The following GPR39 variants were observed in gnomAD, a reference collection of about 807,000 sequenced individuals.
The protein encoded by GPR39 is zinc sensing receptor.
A neutral mutation model predicts 18.4 loss-of-function variants in GPR39; 23 were observed. That is an observed-to-expected ratio of 1.25 (90% confidence interval 0.90 to 1.77). GPR39 has a LOEUF of 1.77. Ranked by LOEUF, GPR39 falls within the 40% of genes most tolerant of loss-of-function variation. The pLI, the probability that GPR39 is intolerant of heterozygous loss-of-function variation, is 0.00. For synonymous variants in GPR39, 280 were observed against 257.9 expected (o/e 1.09, Z -0.82); for missense variants, 647 against 602.4 (o/e 1.07, Z -0.78).
intron 1 of GPR39, among the ~76,000 whole-genome samples, chr2:132,437,689 G>A (rs562610410): frequency 4.2e-4 from 64 of 152,286 alleles, no homozygotes; most frequent in South Asian, 1.9e-3. Context: ...ACTGGGCCTC[G>A]TAGGTATCCA....
chr2:132,540,181 A>T (rs1425991006), intron 1 of GPR39, among the ~76,000 whole-genome samples: 1 of 152,154 alleles, frequency 6.6e-6, no homozygotes, highest in East Asian at 1.9e-4. Context: ...TTTCTCTAAC[A>T]TATGTAGAAA....
Position 132,541,908 on chromosome 2 carries a change from G to A in GPR39, c.857-103193G>A, listed in dbSNP as rs546418826. Among the ~76,000 whole-genome samples the A allele has an allele frequency of 5.7e-4, 87 of 152,330 alleles. 1 individual carries two copies. The highest frequency in any genetic ancestry group is 3.4e-3 in the Middle Eastern group (1 of 294). On this transcript the variant is annotated intron_variant, in intron 1 of 1. Coordinates refer to ENST00000329321, the MANE Select transcript of GPR39 (RefSeq NM_001508.3). Reference sequence around the variant, plus strand: ...CACAGTCCTGGAGGCTGGGAAGTCTGAGATCAGGGTGCCAGCAGGTTTGGT... The same window carrying A: ...CACAGTCCTGGAGGCTGGGAAGTCTAAGATCAGGGTGCCAGCAGGTTTGGT...
chr2:132,606,571 G>A (rs946812169), intron 1 of GPR39, among the ~76,000 whole-genome samples: 53 of 152,226 alleles, frequency 3.5e-4, no homozygotes, highest in African/African-American at 1.2e-3. Context: ...AAGCCCAAGT[G>A]GGTGTGTATT....
At chr2:132,435,389 T>C (rs925123279) in intron 1 of GPR39, among the ~76,000 whole-genome samples, 2 of 152,218 alleles carry the variant, frequency 1.3e-5, no homozygotes, top group Admixed American at 1.3e-4. Context: ...AGAAATATAC[T>C]TTCTCTTCTC....
intron 1 of GPR39, among the ~76,000 whole-genome samples, chr2:132,548,716 A>G (rs1331746412): frequency 6.6e-6 from 1 of 152,252 alleles, no homozygotes; most frequent in Non-Finnish European, 1.5e-5. Flanking sequence ...GGAAAGCAAT[A>G]TCTGCTTTCT....
intron 1 of GPR39, among the ~76,000 whole-genome samples, chr2:132,534,753 A>G (rs1311783051): frequency 1.3e-5 from 2 of 151,314 alleles, no homozygotes; most frequent in Non-Finnish European, 2.9e-5. Context: ...AAAACTAAAC[A>G]CCACATTTTC....
chr2:132,592,564 T>C (rs4954345), intron 1 of GPR39, among the ~76,000 whole-genome samples: 63,074 of 151,904 alleles, frequency 0.42, 14,892 homozygotes, highest in East Asian at 0.81. Flanking sequence ...TTGGGAGGGC[T>C]TGAGCTGAGG....
At chr2:132,427,147 T>C (rs60473390) in intron 1 of GPR39, among the ~76,000 whole-genome samples, 4 of 77,366 alleles carry the variant, frequency 5.2e-5, no homozygotes, top group Non-Finnish European at 9.9e-5. Flanking sequence ...TATATATATA[T>C]ATATATATAT....
Position 132,488,760 on chromosome 2 carries a change from G to A in GPR39, c.856+70862G>A, listed in dbSNP as rs148849992. The A allele has an allele frequency of 6.4e-3, 1,005 of 157,354 alleles. 3 individuals are homozygous for A. The highest frequency in any genetic ancestry group is 7.8e-3 in the Non-Finnish European group (550 of 70,138). 9.7% of individuals were successfully genotyped at this position (157,354 alleles called of 1,614,324 possible). On this transcript the variant is annotated intron_variant, in intron 1 of 1. Coordinates refer to ENST00000329321, the MANE Select transcript of GPR39 (RefSeq NM_001508.3). Reference sequence around the variant, plus strand: ...GTCCTCTCTCGGTCATCTTTGGCAAGGAGAGCTCCTGTGGAACCGTGGTCT... The same window carrying A: ...GTCCTCTCTCGGTCATCTTTGGCAAAGAGAGCTCCTGTGGAACCGTGGTCT...
chr2:132,646,386 GC>G lies in GPR39; in HGVS notation c.*783del. On this transcript the variant is annotated 3_prime_UTR_variant, in exon 2 of 2. Transcript: ENST00000329321. ...ACAGCTCTTCCTTACTCCTCCCACA[GC>G]CCAGAGACTAGGTGAGGTCAGGGAA... is the stretch of plus-strand genomic sequence containing the variant. 1.5e-6 allele frequency: 1 copy of G among 655,144 alleles called. No homozygotes were observed. Among genetic ancestry groups the G allele is most frequent in the Non-Finnish European group, 2.3e-6 (1 of 426,240 alleles). 40.6% of individuals were successfully genotyped at this position (655,144 alleles called of 1,614,324 possible). A position where few individuals can be genotyped will look rare whatever the true frequency, so the allele number is the denominator to read the frequency against.
At chr2:132,629,320 A>G (rs1681607045) in intron 1 of GPR39, among the ~76,000 whole-genome samples, 1 of 152,192 alleles carries the variant, frequency 6.6e-6, no homozygotes, top group African/African-American at 2.4e-5. Flanking sequence ...GAGCTTCTGC[A>G]CGTCCAACAA....
chr2:132,598,226 C>A (rs1429837296), intron 1 of GPR39, among the ~76,000 whole-genome samples: 1 of 152,176 alleles, frequency 6.6e-6, no homozygotes, highest in African/African-American at 2.4e-5. Flanking sequence ...TATCTAGGCA[C>A]TGGCTGCTAC....
chr2:132,416,925 G>C lies in GPR39; in HGVS notation c.-118G>C. The C allele has an allele frequency of 7.8e-7, 1 of 1,274,970 alleles. No homozygotes were observed. The highest frequency in any genetic ancestry group is 1.4e-5 in the South Asian group (1 of 70,772). 79.0% of individuals were successfully genotyped at this position (1,274,970 alleles called of 1,614,324 possible). A position where few individuals can be genotyped will look rare whatever the true frequency, so the allele number is the denominator to read the frequency against. ...AGTTACCTTCGCGAGGAGAACTCGA[G>C]TGAGATAAAATCGTGCGCCCACGCA... On this transcript the variant is annotated 5_prime_UTR_variant, in exon 1 of 2. Transcript: ENST00000329321.
intron 1 of GPR39, among the ~76,000 whole-genome samples, chr2:132,484,274 G>A (rs1172056343): frequency 6.6e-6 from 1 of 152,202 alleles, no homozygotes. Flanking sequence ...AGAGAATTCT[G>A]TGTCCTTTGT....
At chr2:132,427,906 A>T (rs1364637077) in intron 1 of GPR39, among the ~76,000 whole-genome samples, 1 of 127,888 alleles carries the variant, frequency 7.8e-6, no homozygotes, top group Non-Finnish European at 1.7e-5. Context: ...ATATAATATA[A>T]AATTATATTT....
At chr2:132,494,454 T>G (rs10928420) in intron 1 of GPR39, among the ~76,000 whole-genome samples, 21,291 of 152,204 alleles carry the variant, frequency 0.14, 1,977 homozygotes, top group Middle Eastern at 0.24. Flanking sequence ...TGGCATCAAT[T>G]CCTGTCACTC....
At position 132,623,585 on chromosome 2, in the gene GPR39, C is replaced by T. The variant is rs57699527; in HGVS notation, c.857-21516C>T. Among the ~76,000 whole-genome samples the T allele has an allele frequency of 2.3e-3, 356 of 152,326 alleles. 3 individuals carry two copies. Among genetic ancestry groups the T allele is most frequent in the African/African-American group, 8.3e-3 (345 of 41,566 alleles). ...GCGAAGGCAAAAATGACTCAGCATT[C>T]AGAGCCCCAGTCCGGAAACCTGGCT... is the stretch of plus-strand genomic sequence containing the variant. On this transcript the variant is annotated intron_variant, in intron 1 of 1. Transcript: ENST00000329321.
In GPR39 at chr2:132,417,580, C is replaced by G; in HGVS notation, c.538C>G (p.Leu180Val). 6.2e-7 allele frequency: 1 copy of G among 1,614,090 alleles called. No homozygotes were observed. Residue 180 changes from leucine (L) to valine (V), a missense_variant, in exon 1 of 2, where the codon CTG (leucine) becomes GTG (valine). Around this residue, in one of 3 missense-constraint regions of GPR39, gnomAD observed 581 missense variants for 506.8 expected, o/e 1.15. Transcript: ENST00000329321. ...LLFAMGTEYP[L>V]VNVPSHRGLT... ...GTTTGCCATGGGTACTGAGTACCCC[C>G]TGGTGAACGTGCCCAGCCACCGGGG...
chr2:132,436,306 A>G (rs1680318324), intron 1 of GPR39, among the ~76,000 whole-genome samples: 1 of 152,204 alleles, frequency 6.6e-6, no homozygotes, highest in Non-Finnish European at 1.5e-5. Context: ...GAGTGTCATC[A>G]AGCTCAGCTT....
Sources: allele counts gnomAD v4.1 joint callset (sites outside exome capture counted in the v4.1 genomes callset), GRCh38; gene constraint gnomAD v4.1.1; regional missense constraint gnomAD v4.1.1; transcripts MANE v1.5; gene names NCBI Gene and HGNC (gene_info 2026-07-23, HGNC 2026-07-21).